Variants in ZHX2 observed in about 807,000 individuals in gnomAD.
ZHX2 encodes zinc fingers and homeoboxes 2, also known as zinc fingers and homeoboxes protein 2.
In ZHX2, 6 loss-of-function variants were observed where a neutral mutation model predicts 21.9. The ratio of observed to expected loss-of-function variants is 0.27; its 90% CI spans 0.15 to 0.54. ZHX2 has a LOEUF of 0.54. Among genes scored for constraint, ZHX2 ranks in the 20% least tolerant of loss-of-function variants. The probability of loss-of-function intolerance (pLI) is 0.95; values close to 1 mark genes in which losing one functional copy is unlikely to be tolerated. For missense variants in ZHX2, 908 were observed against 1,090.7 expected, an observed-to-expected ratio of 0.83 and a Z score of 2.36; for synonymous variants, 434 against 437.1, an observed-to-expected ratio of 0.99 and a Z score of 0.09.
intron 3 of ZHX2, among the ~76,000 whole-genome samples, chr8:122,967,966 G>A (rs910533662): frequency 2.0e-5 from 3 of 152,036 alleles, no homozygotes; most frequent in African/African-American, 4.8e-5. Context: ...GTGGGGGCAG[G>A]GTTAGGCGAG....
intron 1 of ZHX2, among the ~76,000 whole-genome samples, chr8:122,789,978 C>G (rs535128409): frequency 6.6e-6 from 1 of 152,202 alleles, no homozygotes; most frequent in Non-Finnish European, 1.5e-5. Context: ...AGAACGGAAA[C>G]GGTCTTGATC....
At chr8:122,852,154 G>A (rs1417234213) in intron 1 of ZHX2, among the ~76,000 whole-genome samples, 2 of 152,134 alleles carry the variant, frequency 1.3e-5, no homozygotes, top group East Asian at 1.9e-4. Flanking sequence ...ATACAGGTGC[G>A]TGAATGTGTC....
At chr8:122,862,164 A>T (rs867544275) in intron 1 of ZHX2, among the ~76,000 whole-genome samples, 4 of 151,814 alleles carry the variant, frequency 2.6e-5, no homozygotes, top group African/African-American at 7.3e-5. Context: ...CACTTCCAGG[A>T]CTCCAGTCAC....
intron 2 of ZHX2, among the ~76,000 whole-genome samples, chr8:122,910,226 A>G (rs9643177): frequency 0.47 from 71,659 of 151,792 alleles, 17,530 homozygotes; most frequent in South Asian, 0.63. Context: ...CCCCGGGCAC[A>G]TCGCATTACC....
chr8:122,938,617 G>A (rs1296442396), intron 2 of ZHX2, among the ~76,000 whole-genome samples: 1 of 152,084 alleles, frequency 6.6e-6, no homozygotes, highest in Non-Finnish European at 1.5e-5. Flanking sequence ...CAGGCAGATT[G>A]CCTGAGTTTG....
intron 2 of ZHX2, among the ~76,000 whole-genome samples, chr8:122,921,678 G>T (rs1398568009): frequency 6.6e-6 from 1 of 151,986 alleles, no homozygotes; most frequent in Non-Finnish European, 1.5e-5. Context: ...AAGTGAGGAA[G>T]GGAGGGAGGG....
chr8:122,785,199 C>G (rs1817370880), intron 1 of ZHX2, among the ~76,000 whole-genome samples: 1 of 152,212 alleles, frequency 6.6e-6, no homozygotes, highest in South Asian at 2.1e-4. Flanking sequence ...TGAAGAGGAA[C>G]AATGTCCAGA....
At chr8:122,927,034 A>G (rs1268595625) in intron 2 of ZHX2, among the ~76,000 whole-genome samples, 1 of 152,214 alleles carries the variant, frequency 6.6e-6, no homozygotes, top group African/African-American at 2.4e-5. Context: ...TCCAGGGGTT[A>G]GGACCTGGGT....
intron 2 of ZHX2, among the ~76,000 whole-genome samples, chr8:122,946,612 C>T (rs771377012): frequency 2.6e-5 from 4 of 152,140 alleles, no homozygotes; most frequent in East Asian, 1.9e-4. Context: ...TGGGAAGTTT[C>T]GGTAAAAAAA....
At chr8:122,893,932 G>C (rs763803078) in intron 2 of ZHX2, among the ~76,000 whole-genome samples, 1 of 152,196 alleles carries the variant, frequency 6.6e-6, no homozygotes, top group African/African-American at 2.4e-5. Flanking sequence ...TGCATCTGGT[G>C]GGACAGTTGC....
intron 2 of ZHX2, among the ~76,000 whole-genome samples, chr8:122,866,286 C>T (rs1224201098): frequency 6.6e-6 from 1 of 152,192 alleles, no homozygotes; most frequent in Non-Finnish European, 1.5e-5. Flanking sequence ...AGCGTGTCGC[C>T]AGATTCCCAT....
At chr8:122,812,614 T>C (rs1817954447) in intron 1 of ZHX2, among the ~76,000 whole-genome samples, 1 of 152,220 alleles carries the variant, frequency 6.6e-6, no homozygotes, top group South Asian at 2.1e-4. Flanking sequence ...AGATTCAGAT[T>C]AGATCCTGGA....
chr8:122,910,802 C>T (rs987451266), intron 2 of ZHX2, among the ~76,000 whole-genome samples: 5 of 152,076 alleles, frequency 3.3e-5, no homozygotes, highest in African/African-American at 1.2e-4. Flanking sequence ...GGAATGGGAT[C>T]AGTGGCCCAG....
intron 2 of ZHX2, among the ~76,000 whole-genome samples, chr8:122,950,225 C>G (rs1343979054): frequency 6.6e-6 from 1 of 152,078 alleles, no homozygotes; most frequent in Non-Finnish European, 1.5e-5. Context: ...AAATTTCCAA[C>G]AAAAGTCCAA....
chr8:122,851,316 A>T (rs1818892407), intron 1 of ZHX2, among the ~76,000 whole-genome samples: 1 of 152,194 alleles, frequency 6.6e-6, no homozygotes, highest in African/African-American at 2.4e-5. Flanking sequence ...ACTGGGAAAG[A>T]GTCAAGAGTT....
chr8:122,821,688 CTTTATTTATTTATTTA>C (rs35192802), intron 1 of ZHX2, among the ~76,000 whole-genome samples: 169 of 145,516 alleles, frequency 1.2e-3, no homozygotes, highest in African/African-American at 4.0e-3. Flanking sequence ...ACAGGCATGA[CTTTATTTATTTATTTA>C]TTTATTTATT....
intron 3 of ZHX2, among the ~76,000 whole-genome samples, chr8:122,969,175 G>C (rs1301206705): frequency 6.6e-6 from 1 of 151,882 alleles, no homozygotes; most frequent in Admixed American, 6.6e-5. Flanking sequence ...AAAAAAGAGA[G>C]AGAGAGAAAT....
chr8:122,954,669 C>A (rs933490573), intron 3 of ZHX2, among the ~76,000 whole-genome samples: 1 of 152,126 alleles, frequency 6.6e-6, no homozygotes, highest in Non-Finnish European at 1.5e-5. Context: ...ATGGAACCTA[C>A]GTCCTCATTT....
At chr8:122,799,265 T>C (rs1453154429) in intron 1 of ZHX2, among the ~76,000 whole-genome samples, 1 of 152,204 alleles carries the variant, frequency 6.6e-6, no homozygotes, top group African/African-American at 2.4e-5. Flanking sequence ...GCTGCAAGGT[T>C]TGAGGGAAGT....
Sources: gnomAD v4.1 joint callset for allele counts (sites outside exome capture counted in the v4.1 genomes callset) on GRCh38, gnomAD v4.1.1 for gene constraint, MANE v1.5 for transcripts, NCBI Gene and HGNC (gene_info 2026-07-23, HGNC 2026-07-21) for gene names.